Variants in SLC35F1 observed in about 807,000 individuals in gnomAD.
SLC35F1 encodes the protein chromosome 6 open reading frame 169.
Under a neutral mutation model 48.7 loss-of-function variants are expected in SLC35F1, and 14 were observed. The observed-to-expected ratio is 0.29, with a 90% CI of 0.19 to 0.45. SLC35F1 has a LOEUF of 0.45. Ranked by LOEUF, SLC35F1 falls within the 20% of genes least tolerant of loss-of-function variation. The pLI is 1.00. For missense variants in SLC35F1, 404 were observed against 500.0 expected (o/e 0.81, Z 1.83); for synonymous variants, 190 against 202.2 (o/e 0.94, Z 0.51).
chr6:118,011,525 C>T (rs1435110645), intron 1 of SLC35F1, among the ~76,000 whole-genome samples: 3 of 152,154 alleles, frequency 2.0e-5, no homozygotes, highest in African/African-American at 7.2e-5. Context: ...CTCCTCCAAC[C>T]TTGGGGATTA....
intron 2 of SLC35F1, among the ~76,000 whole-genome samples, chr6:118,212,048 C>G (rs1775006845): frequency 6.6e-6 from 1 of 152,162 alleles, no homozygotes; most frequent in African/African-American, 2.4e-5. Flanking sequence ...TAAATAAGCT[C>G]TTTTTCCTTT....
At chr6:118,276,797 G>T (rs1057304743) in intron 5 of SLC35F1, among the ~76,000 whole-genome samples, 46 of 152,222 alleles carry the variant, frequency 3.0e-4, no homozygotes, top group African/African-American at 1.1e-3. Context: ...TGTTCCCTTT[G>T]GGGGACAATG....
chr6:118,028,496 C>G (rs1314114950), intron 1 of SLC35F1, among the ~76,000 whole-genome samples: 1 of 151,878 alleles, frequency 6.6e-6, no homozygotes, highest in Non-Finnish European at 1.5e-5. Flanking sequence ...ATATACAGGG[C>G]AAATTAGGAA....
At chr6:118,001,144 C>G (rs1777087065) in intron 1 of SLC35F1, among the ~76,000 whole-genome samples, 1 of 152,182 alleles carries the variant, frequency 6.6e-6, no homozygotes, top group Non-Finnish European at 1.5e-5. Context: ...ATCGCCAAGT[C>G]AATCCTAAGC....
intron 3 of SLC35F1, among the ~76,000 whole-genome samples, chr6:118,262,242 G>C (rs1775722247): frequency 1.3e-5 from 2 of 152,062 alleles, no homozygotes; most frequent in South Asian, 4.1e-4. Flanking sequence ...CAAAGGAAGG[G>C]AGCATCCACA....
At chr6:118,146,380 T>C (rs1048306080) in intron 1 of SLC35F1, among the ~76,000 whole-genome samples, 7 of 152,170 alleles carry the variant, frequency 4.6e-5, no homozygotes, top group African/African-American at 1.2e-4. Context: ...TGTTTACCCA[T>C]ATCTTCTATT....
At chr6:117,923,577 G>GTACA (rs1775932301) in intron 1 of SLC35F1, among the ~76,000 whole-genome samples, 1 of 62,976 alleles carries the variant, frequency 1.6e-5, no homozygotes, top group African/African-American at 5.6e-5. Flanking sequence ...AAATACATAT[G>GTACA]TGTGTGTATA....
intron 1 of SLC35F1, among the ~76,000 whole-genome samples, chr6:118,109,664 G>C (rs1421830588): frequency 2.0e-5 from 3 of 148,650 alleles, no homozygotes; most frequent in Non-Finnish European, 3.0e-5. Context: ...AAAAAAAAAA[G>C]CAACAGAAAA....
At chr6:118,095,668 C>T (rs1190068371) in intron 1 of SLC35F1, among the ~76,000 whole-genome samples, 1 of 152,056 alleles carries the variant, frequency 6.6e-6, no homozygotes, top group Non-Finnish European at 1.5e-5. Context: ...AGGAAAGGAA[C>T]ATCATGGAGG....
chr6:118,160,631 A>G (rs953224976), intron 2 of SLC35F1, among the ~76,000 whole-genome samples: 1 of 152,214 alleles, frequency 6.6e-6, no homozygotes, highest in Non-Finnish European at 1.5e-5. Flanking sequence ...TCTAGGTTCA[A>G]ATGTTAATTG....
At chr6:118,304,569 A>G (rs1776290329) in intron 7 of SLC35F1, among the ~76,000 whole-genome samples, 2 of 152,120 alleles carry the variant, frequency 1.3e-5, no homozygotes, top group Admixed American at 6.6e-5. Flanking sequence ...TTGCAATTCA[A>G]ATTGATTTGT....
At chr6:118,190,441 TAAA>T (rs541433945) in intron 2 of SLC35F1, among the ~76,000 whole-genome samples, 1 of 146,134 alleles carries the variant, frequency 6.8e-6, no homozygotes, top group Non-Finnish European at 1.5e-5. Context: ...TAATTTTGCT[TAAA>T]AAAAAAAAAT....
chr6:118,072,026 T>C (rs903015738), intron 1 of SLC35F1, among the ~76,000 whole-genome samples: 1 of 152,246 alleles, frequency 6.6e-6, no homozygotes, highest in Non-Finnish European at 1.5e-5. Flanking sequence ...TCTATTTCTC[T>C]GAAATTTATA....
intron 2 of SLC35F1, among the ~76,000 whole-genome samples, chr6:118,194,757 G>GA (rs1774778122): frequency 1.3e-5 from 2 of 152,172 alleles, no homozygotes; most frequent in South Asian, 4.1e-4. Context: ...AGAGGGGCCA[G>GA]AAGTCTGACT....
intron 1 of SLC35F1, among the ~76,000 whole-genome samples, chr6:118,065,263 T>C (rs550338855): frequency 6.6e-6 from 1 of 152,310 alleles, no homozygotes; most frequent in South Asian, 2.1e-4. Context: ...TCATATCCAA[T>C]AATCTATAAT....
rs144711709 is a variant in SLC35F1 at position 117,960,294 on chromosome 6, G to A, written c.173+52395G>A. ...ATAAACTGTATGGTTTAGACAGTTTGTAAGGCACTGTGTTCCCTTGAAGAT... is the reference window on the plus strand; with the variant it reads ...ATAAACTGTATGGTTTAGACAGTTTATAAGGCACTGTGTTCCCTTGAAGAT... On this transcript the variant is annotated intron_variant, in intron 1 of 7. Transcript: ENST00000360388. Among the ~76,000 whole-genome samples the A allele has an allele frequency of 5.8e-3, 880 of 150,728 alleles. 10 individuals carry two copies. Among genetic ancestry groups the A allele is most frequent in the African/African-American group, 0.02 (845 of 41,226 alleles).
chr6:118,260,745 T>C (rs951596272), intron 3 of SLC35F1, among the ~76,000 whole-genome samples: 1 of 152,176 alleles, frequency 6.6e-6, no homozygotes, highest in East Asian at 1.9e-4. Flanking sequence ...AATGAAAGAA[T>C]AAACTTTTCC....
intron 1 of SLC35F1, among the ~76,000 whole-genome samples, chr6:118,097,173 A>C (rs1255349163): frequency 1.3e-5 from 2 of 152,206 alleles, no homozygotes; most frequent in Admixed American, 6.5e-5. Context: ...CCACATTCTG[A>C]AAACGACCTA....
intron 2 of SLC35F1, among the ~76,000 whole-genome samples, chr6:118,208,867 C>G (rs528325831): frequency 6.6e-6 from 1 of 152,278 alleles, no homozygotes; most frequent in African/African-American, 2.4e-5. Context: ...TTCTCCTGCC[C>G]TTCTGTCTTC....
Sources: gnomAD v4.1 joint callset for allele counts (sites outside exome capture counted in the v4.1 genomes callset) on GRCh38, gnomAD v4.1.1 for gene constraint, MANE v1.5 for transcripts, NCBI Gene and HGNC (gene_info 2026-07-23, HGNC 2026-07-21) for gene names.